IGFBP7: variants seen among roughly 807,000 people sequenced by gnomAD.
IGFBP7 encodes insulin-like growth factor-binding protein 7.
A neutral mutation model predicts 29.4 loss-of-function variants in IGFBP7; 31 were observed. That is an observed-to-expected ratio of 1.05 (90% CI 0.79 to 1.42). IGFBP7 has a LOEUF of 1.42. Ranked by LOEUF, IGFBP7 falls within the 40% of genes most tolerant of loss-of-function variation. IGFBP7 has a pLI of 0.00. For synonymous variants in IGFBP7, 172 were observed against 174.9 expected, an observed-to-expected ratio of 0.98 and a Z score of 0.13; for missense variants, 393 against 395.5, an observed-to-expected ratio of 0.99 and a Z score of 0.05.
intron 1 of IGFBP7, among the ~76,000 whole-genome samples, chr4:57,099,965 G>A (rs1026974881): frequency 5.3e-5 from 8 of 152,000 alleles, no homozygotes; most frequent in Admixed American, 2.6e-4. Flanking sequence ...TTGAACTCCC[G>A]GTCTCAAGGG....
intron 1 of IGFBP7, among the ~76,000 whole-genome samples, chr4:57,097,687 C>T (rs1233438229): frequency 1.3e-5 from 2 of 151,962 alleles, no homozygotes; most frequent in African/African-American, 2.4e-5. Flanking sequence ...ATAATAACAT[C>T]GTTATTATAC....
At chr4:57,052,799 A>G (rs945222722) in intron 1 of IGFBP7, among the ~76,000 whole-genome samples, 4 of 152,152 alleles carry the variant, frequency 2.6e-5, no homozygotes, top group African/African-American at 9.7e-5. Context: ...TTTGGGTCCA[A>G]TCTTTGATGC....
intron 1 of IGFBP7, among the ~76,000 whole-genome samples, chr4:57,082,076 G>A (rs1725384255): frequency 6.6e-6 from 1 of 152,114 alleles, no homozygotes; most frequent in Non-Finnish European, 1.5e-5. Context: ...TTAGCAAGTA[G>A]GGGAAGTGGG....
At chr4:57,077,128 C>CA (rs11573049) in intron 1 of IGFBP7, among the ~76,000 whole-genome samples, 95,477 of 151,606 alleles carry the variant, frequency 0.63, 30,505 homozygotes, top group East Asian at 0.89. Flanking sequence ...AACAGAAAAA[C>CA]AAAAAACAAA....
intron 1 of IGFBP7, among the ~76,000 whole-genome samples, chr4:57,103,028 GA>G (rs1310821675): frequency 3.3e-5 from 5 of 152,144 alleles, no homozygotes. Flanking sequence ...GGCACTTTAT[GA>G]GCAGTCACCG....
chr4:57,095,445 A>C (rs1181302978), intron 1 of IGFBP7, among the ~76,000 whole-genome samples: 1 of 152,200 alleles, frequency 6.6e-6, no homozygotes, highest in Non-Finnish European at 1.5e-5. Flanking sequence ...GTTTAACTGA[A>C]GGGCAAGGTA....
intron 1 of IGFBP7, among the ~76,000 whole-genome samples, chr4:57,102,475 C>T (rs763400180): frequency 2.0e-5 from 3 of 152,116 alleles, no homozygotes; most frequent in Non-Finnish European, 2.9e-5. Flanking sequence ...TGCCTGAACA[C>T]GGTATCCTAT....
rs180962564 is a variant in IGFBP7, at chr4:57,035,173, A to G, written c.586-1862T>C. ...CTAAGCCTCAAATCCCATAGCTCTT[A>G]GTAACAGCATTTTATGCTAATTAAC... is the stretch of plus-strand genomic sequence containing the variant. On this transcript the variant is annotated intron_variant, in intron 2 of 4. Coordinates refer to ENST00000295666, the MANE Select transcript of IGFBP7 (RefSeq NM_001553.3). 2.6e-5 allele frequency among the ~76,000 whole-genome samples: 4 copies of G among 152,330 alleles called. No individual in the cohort carries two copies. The East Asian group carries it at 7.7e-4, about 29-fold the overall frequency.
At chr4:57,084,573 T>G (rs75882609) in intron 1 of IGFBP7, among the ~76,000 whole-genome samples, 8,406 of 152,196 alleles carry the variant, frequency 0.055, 330 homozygotes, top group Middle Eastern at 0.095. Flanking sequence ...TAGGTGGAAG[T>G]CATGGCTACT....
At chr4:57,084,788 G>GTTGTTTTTTTTTTT (rs1553916467) in intron 1 of IGFBP7, among the ~76,000 whole-genome samples, 1 of 113,104 alleles carries the variant, frequency 8.8e-6, no homozygotes, top group African/African-American at 3.4e-5. Flanking sequence ...TTTAAAAAAG[G>GTTGTTTTTTTTTTT]TTTTTTTTTT....
rs1247865827 is a variant in IGFBP7 at position 57,069,460 on chromosome 4, C to G, written c.476-28527G>C. On this transcript the variant is annotated intron_variant, in intron 1 of 4. Coordinates refer to ENST00000295666, the MANE Select transcript of IGFBP7 (RefSeq NM_001553.3). ...ACAAAAAATAAAAAATTAGCCAGGT[C>G]TGGTGGCTGTCCAGCCTGTCCTTGT... 3.3e-5 allele frequency among the ~76,000 whole-genome samples: 5 copies of G among 152,238 alleles called. No individual in the cohort carries two copies. The East Asian group carries it at 9.7e-4, about 30-fold the overall frequency.
intron 1 of IGFBP7, among the ~76,000 whole-genome samples, chr4:57,106,964 G>A (rs1360694306): frequency 6.6e-6 from 1 of 152,084 alleles, no homozygotes; most frequent in African/African-American, 2.4e-5. Context: ...GAAATTATTT[G>A]CTGATTATCT....
intron 1 of IGFBP7, among the ~76,000 whole-genome samples, chr4:57,109,405 T>C (rs998094328): frequency 2.0e-5 from 3 of 152,052 alleles, no homozygotes; most frequent in Non-Finnish European, 4.4e-5. Flanking sequence ...CCCTCCACCC[T>C]GGGCGACAGA....
rs1195360599 is a variant in IGFBP7, at chr4:57,089,037, A to AT, written c.475+20839_475+20840insA. ...ACAGAGTGAGACTCTGTCTCAAAAA[A>AT]ATAAAAAAAAAAAAAAAGAGAGGCA... On this transcript the variant is annotated intron_variant, in intron 1 of 4. Coordinates refer to ENST00000295666, the MANE Select transcript of IGFBP7 (RefSeq NM_001553.3). 1.4e-5 allele frequency among the ~76,000 whole-genome samples: 2 copies of AT among 138,552 alleles called. 1 individual carries two copies. Among genetic ancestry groups the AT allele is most frequent in the Non-Finnish European group, 3.1e-5 (2 of 63,584 alleles). 90.9% of individuals were successfully genotyped at this position (138,552 alleles called of 152,430 possible). A position where few individuals can be genotyped will look rare whatever the true frequency, so the allele number is the denominator to read the frequency against.
At chr4:57,042,238 TCTGGTC>T (rs1374570056) in intron 1 of IGFBP7, among the ~76,000 whole-genome samples, 1 of 152,272 alleles carries the variant, frequency 6.6e-6, no homozygotes, top group African/African-American at 2.4e-5. Context: ...GGTATGACTC[TCTGGTC>T]CTGGGTTAGC....
chr4:57,042,501 G>A (rs1275356501), intron 1 of IGFBP7, among the ~76,000 whole-genome samples: 1 of 152,136 alleles, frequency 6.6e-6, no homozygotes, highest in Non-Finnish European at 1.5e-5. Flanking sequence ...GACTACAAGT[G>A]CATGCCCAGC....
In IGFBP7 at chr4:57,039,945, T is replaced by C. The variant is rs76888091; in HGVS notation, c.585+879A>G. On this transcript the variant is annotated intron_variant, in intron 2 of 4. Coordinates refer to ENST00000295666, the MANE Select transcript of IGFBP7 (RefSeq NM_001553.3). ...CCAGCCTCACACTTTTTTTTTTCTT[T>C]TTTTCCATTTGGGAAGTCATTTCAA... 2.0e-3 allele frequency among the ~76,000 whole-genome samples: 303 copies of C among 152,256 alleles called. 4 individuals carry two copies. The highest frequency in any genetic ancestry group is 6.9e-3 in the African/African-American group (286 of 41,546).
intron 2 of IGFBP7, among the ~76,000 whole-genome samples, chr4:57,038,156 T>A (rs931790997): frequency 6.6e-6 from 1 of 152,200 alleles, no homozygotes; most frequent in Non-Finnish European, 1.5e-5. Context: ...CCGGTGCCAA[T>A]GTCAGTGGCC....
chr4:57,084,173 T>C (rs934320930), intron 1 of IGFBP7, among the ~76,000 whole-genome samples: 2 of 152,260 alleles, frequency 1.3e-5, no homozygotes, highest in East Asian at 1.9e-4. Flanking sequence ...TGCTTGATTA[T>C]ATATGATTAA....
Sources: allele counts gnomAD v4.1 joint callset (sites outside exome capture counted in the v4.1 genomes callset), GRCh38; gene constraint gnomAD v4.1.1; transcripts MANE v1.5; gene names NCBI Gene and HGNC (gene_info 2026-07-23, HGNC 2026-07-21).